The following CDCP1 variants were observed in gnomAD, a reference collection of about 807,000 sequenced individuals.
The protein encoded by CDCP1 is CUB domain-containing protein 1.
In CDCP1, 29 loss-of-function variants were observed where a neutral mutation model predicts 60.2. That is an observed-to-expected ratio of 0.48 (90% CI 0.36 to 0.66). The LOEUF (loss-of-function observed/expected upper bound fraction) is 0.66, where lower values mean the gene tolerates loss of function less well. Ranked by LOEUF, CDCP1 falls within the 30% of genes least tolerant of loss-of-function variation. The pLI is 0.00. For missense variants in CDCP1, 876 were observed against 1,074.3 expected (o/e 0.82, Z 2.58); for synonymous variants, 387 against 431.1 (o/e 0.90, Z 1.27).
chr3:45,133,454 C>T, intron 1 of CDCP1, among the ~76,000 whole-genome samples: 1 of 123,132 alleles, frequency 8.1e-6, no homozygotes, highest in Non-Finnish European at 1.7e-5. Flanking sequence ...CATGGTGGCT[C>T]ACGCCTGTAA....
In CDCP1 at chr3:45,085,589, T is replaced by A. The variant is rs546884509; in HGVS notation, c.*49A>T. On this transcript the variant is annotated 3_prime_UTR_variant, in exon 9 of 9. Coordinates refer to ENST00000296129, the MANE Select transcript of CDCP1 (RefSeq NM_022842.5). The surrounding 1 kb of genome is among the most constrained non-coding windows in gnomAD (Gnocchi z 4.2). The stretch of plus-strand genomic sequence containing the variant: ...CTGGTTAGGAACACGGACGGGTGTC[T>A]CAGTGCCCTGCTTTATGAAACTCAG... 6.5e-7 allele frequency: 1 copy of A among 1,540,946 alleles called. No homozygotes were observed. The highest frequency in any genetic ancestry group is 1.2e-5 in the South Asian group (1 of 81,952).
intron 1 of CDCP1, among the ~76,000 whole-genome samples, chr3:45,138,047 G>A (rs1364243358): frequency 2.6e-5 from 4 of 152,188 alleles, no homozygotes; most frequent in African/African-American, 9.7e-5. Context: ...ACCCGGTCAT[G>A]AAGATAGCTG....
Position 45,110,671 on chromosome 3 carries a change from T to C in CDCP1, c.826A>G (p.Arg276Gly). The change falls in exon 4 of 9, where the codon AGG (arginine) becomes GGG (glycine). Residue 276 changes from arginine to glycine, a missense_variant. Around this residue, in one of 2 missense-constraint regions of CDCP1, gnomAD observed 726 missense variants for 935.7 expected, o/e 0.78. Coordinates refer to ENST00000296129, the MANE Select transcript of CDCP1 (RefSeq NM_022842.5). ...FLNFNLSNCE[R>G]KEERVEYYIP... ...TAGTATTCAACCCGCTCCTCCTTCC[T>C]CTCACAGTTGGAGAGGTTGAAGTTG... 6.2e-7 allele frequency: 1 copy of C among 1,614,124 alleles called. No homozygotes were observed. The highest frequency in any genetic ancestry group is 2.2e-5 in the East Asian group (1 of 44,880).
chr3:45,133,362 C>T (rs1576118943), intron 1 of CDCP1, among the ~76,000 whole-genome samples: 1 of 150,704 alleles, frequency 6.6e-6, no homozygotes, highest in Admixed American at 6.6e-5. Flanking sequence ...GAACTGTGAG[C>T]TAACAGGTGT....
intron 1 of CDCP1, among the ~76,000 whole-genome samples, chr3:45,131,304 A>T (rs1294478362): frequency 6.6e-6 from 1 of 152,204 alleles, no homozygotes; most frequent in Non-Finnish European, 1.5e-5. Context: ...TAAAATATGC[A>T]TACACAAACT....
intron 1 of CDCP1, among the ~76,000 whole-genome samples, chr3:45,129,913 C>T (rs981281946): frequency 6.6e-6 from 1 of 151,916 alleles, no homozygotes; most frequent in Non-Finnish European, 1.5e-5. Flanking sequence ...AAGACAAAAC[C>T]AATCTGTGCT....
At chr3:45,113,629 T>C (rs1044312850) in intron 2 of CDCP1, among the ~76,000 whole-genome samples, 4 of 152,194 alleles carry the variant, frequency 2.6e-5, no homozygotes, top group Non-Finnish European at 2.9e-5. Context: ...GCCAGACCTC[T>C]AATTTTTGCA....
chr3:45,138,128 T>C (rs1699220728), intron 1 of CDCP1, among the ~76,000 whole-genome samples: 2 of 152,202 alleles, frequency 1.3e-5, no homozygotes, highest in South Asian at 4.1e-4. Flanking sequence ...AATTAAGTTG[T>C]TATAAAACTG....
intron 8 of CDCP1, among the ~76,000 whole-genome samples, chr3:45,088,013 T>C (rs1698228971): frequency 7.5e-6 from 1 of 133,822 alleles, no homozygotes. Context: ...AGAGTGAGAC[T>C]CTGTCTTAAA....
At chr3:45,086,112 T>A in intron 8 of CDCP1, 45 bp from the exon 9 acceptor site, 1 of 1,537,316 alleles carries the variant, frequency 6.5e-7, no homozygotes, top group Non-Finnish European at 8.9e-7. Flanking sequence ...AAGGCAAGAA[T>A]CTTCGATGGG....
chr3:45,115,375 T>C (rs746655661), intron 2 of CDCP1, among the ~76,000 whole-genome samples: 2 of 152,352 alleles, frequency 1.3e-5, no homozygotes, highest in Admixed American at 6.5e-5. Context: ...TTCTGTATGA[T>C]TGTGTGTGCA....
At position 45,085,542 on chromosome 3, in the gene CDCP1, TA is replaced by T. The variant is rs2125987698; in HGVS notation, c.*95del. 7.7e-7 allele frequency: 1 copy of T among 1,299,418 alleles called. No homozygotes were observed. The highest frequency in any genetic ancestry group is 1.1e-6 in the Non-Finnish European group (1 of 933,464). 80.5% of individuals were successfully genotyped at this position (1,299,418 alleles called of 1,614,324 possible). A position where few individuals can be genotyped will look rare whatever the true frequency, so the allele number is the denominator to read the frequency against. On this transcript the variant is annotated 3_prime_UTR_variant, in exon 9 of 9. Transcript: ENST00000296129. The surrounding 1 kb of genome is among the most constrained non-coding windows in gnomAD (Gnocchi z 4.2). ...AAAACCTCCTGCTGTTCCTTCTGTA[TA>T]ATTCCTCTTCTTTAGGATTTCTGGT...
intron 4 of CDCP1, among the ~76,000 whole-genome samples, chr3:45,105,227 T>C (rs887160360): frequency 6.6e-6 from 1 of 152,238 alleles, no homozygotes; most frequent in Non-Finnish European, 1.5e-5. Flanking sequence ...TTGTGGTATC[T>C]ATAGATAGAC....
At chr3:45,124,202 A>G (rs1031754657) in intron 1 of CDCP1, among the ~76,000 whole-genome samples, 1 of 152,140 alleles carries the variant, frequency 6.6e-6, no homozygotes, top group Non-Finnish European at 1.5e-5. Flanking sequence ...GCAATTCTCG[A>G]TTCTAGTAAG....
intron 4 of CDCP1, among the ~76,000 whole-genome samples, chr3:45,109,170 A>T (rs1338704413): frequency 6.6e-6 from 1 of 151,478 alleles, no homozygotes; most frequent in Non-Finnish European, 1.5e-5. Context: ...GCTGGTCTCG[A>T]ACTCCTGACC....
intron 8 of CDCP1, among the ~76,000 whole-genome samples, chr3:45,087,295 T>C (rs957369124): frequency 1.3e-5 from 2 of 152,170 alleles, no homozygotes; most frequent in African/African-American, 4.8e-5. Context: ...CTACAACAGC[T>C]TGGGCACGGA....
At position 45,110,460 on chromosome 3, in the gene CDCP1, G is replaced by A. The variant is rs1260775834; in HGVS notation, c.1024+13C>T. The A allele has an allele frequency of 6.2e-7, 1 of 1,612,124 alleles. No homozygotes were observed. Among genetic ancestry groups the A allele is most frequent in the Non-Finnish European group, 8.5e-7 (1 of 1,178,528 alleles). On this transcript the variant is annotated intron_variant, in intron 4 of 8. Coordinates refer to ENST00000296129, the MANE Select transcript of CDCP1 (RefSeq NM_022842.5). Reference sequence around the variant, plus strand: ...CTGGAGGAGGAAGAAAAAGGAAAGTGGGGCTCACTCACTGCTTTCATTTTG... The same window carrying A: ...CTGGAGGAGGAAGAAAAAGGAAAGTAGGGCTCACTCACTGCTTTCATTTTG...
chr3:45,097,072 C>T (rs979054987), intron 4 of CDCP1, among the ~76,000 whole-genome samples: 1 of 152,122 alleles, frequency 6.6e-6, no homozygotes, highest in Admixed American at 6.5e-5. Context: ...CTTTCAGAGG[C>T]TGAGGCGGGT....
At chr3:45,108,834 T>C (rs1029609732) in intron 4 of CDCP1, among the ~76,000 whole-genome samples, 4 of 67,988 alleles carry the variant, frequency 5.9e-5, no homozygotes, top group African/African-American at 5.4e-5. Flanking sequence ...TGCATGTATA[T>C]ATATATATGC....
Sources: allele counts gnomAD v4.1 joint callset (sites outside exome capture counted in the v4.1 genomes callset), GRCh38; gene constraint gnomAD v4.1.1; regional missense constraint gnomAD v4.1.1; non-coding constraint Gnocchi (gnomAD v3.1); transcripts MANE v1.5; gene names NCBI Gene and HGNC (gene_info 2026-07-23, HGNC 2026-07-21).